Variants in AEN observed in about 807,000 individuals in gnomAD.
AEN encodes apoptosis-enhancing nuclease.
AEN carries 21 observed loss-of-function variants against 17.7 expected under a neutral mutation model. The ratio of observed to expected loss-of-function variants is 1.19; its 90% confidence interval spans 0.84 to 1.71. The LOEUF (loss-of-function observed/expected upper bound fraction) is 1.71, where lower values mean the gene tolerates loss of function less well. Among genes scored for constraint, AEN ranks in the 40% most tolerant of loss-of-function variants. The probability of loss-of-function intolerance (pLI) is 0.00; values close to 1 mark genes in which losing one functional copy is unlikely to be tolerated. For missense variants in AEN, 462 were observed against 435.9 expected (o/e 1.06, Z -0.53); for synonymous variants, 190 against 173.0 (o/e 1.10, Z -0.77).
At chr15:88,617,856 A>G (rs1384371392), upstream of AEN, among the ~76,000 whole-genome samples, 1 of 152,196 alleles carries the variant, frequency 6.6e-6, no homozygotes, top group African/African-American at 2.4e-5. Flanking sequence ...ATGCTCATTA[A>G]TGAAACTTTG....
chr15:88,617,677 G>A (rs867203177), upstream of AEN, among the ~76,000 whole-genome samples: 4 of 151,382 alleles, frequency 2.6e-5, no homozygotes, highest in Non-Finnish European at 4.4e-5. Flanking sequence ...CCCGTCTCTC[G>A]GGTTCTGGAA....
chr15:88,618,029 A>G (rs8027485), upstream of AEN, among the ~76,000 whole-genome samples: 121,961 of 151,984 alleles, frequency 0.8, 51,039 homozygotes, highest in Non-Finnish European at 0.92. Flanking sequence ...CATCCCACTT[A>G]CCTACACCAG....
the AEN span, chr15:88,608,149 T>C: frequency 1.9e-6 from 1 of 532,206 alleles, no homozygotes; most frequent in Admixed American, 1.9e-5. Context: ...TGGTGTGTAT[T>C]GCCTTGTCAA....
Position 88,630,303 on chromosome 15 carries a change from CG to C in AEN, c.*13del. On this transcript the variant is annotated 3_prime_UTR_variant, in exon 4 of 4. Transcript: ENST00000332810. The surrounding 1 kb of genome is among the most constrained non-coding windows in gnomAD (Gnocchi z 5.1). ...AGGACAGAAGGAATTGAGAAGGGGG[CG>C]GGGCTCCCTGGCTGGGCTTCCGGTG... The C allele has an allele frequency of 6.4e-7, 1 of 1,566,628 alleles. No homozygotes were observed.
intron 1 of AEN, among the ~76,000 whole-genome samples, chr15:88,622,934 CTT>C (rs1263106003): frequency 6.6e-6 from 1 of 152,200 alleles, no homozygotes; most frequent in African/African-American, 2.4e-5. Context: ...ACTTTCCTCT[CTT>C]GAAATAGGAG....
At chr15:88,623,876 A>C (rs2057818028) in intron 1 of AEN, among the ~76,000 whole-genome samples, 1 of 152,348 alleles carries the variant, frequency 6.6e-6, no homozygotes, top group East Asian at 1.9e-4. Context: ...TGCCTCCAGC[A>C]TGACCCGCCT....
the AEN span, among the ~76,000 whole-genome samples, chr15:88,612,501 C>T: frequency 2.0e-5 from 3 of 152,172 alleles, no homozygotes; most frequent in Admixed American, 6.5e-5. Flanking sequence ...AAGCCCAGTG[C>T]TTGGGGACCA....
At chr15:88,610,075 T>G in the AEN span, among the ~76,000 whole-genome samples, 14 of 152,152 alleles carry the variant, frequency 9.2e-5, no homozygotes, top group Non-Finnish European at 2.1e-4. Context: ...CTCTCCAAAC[T>G]CTCTTTGTGG....
rs1432509441 is a variant in AEN, at chr15:88,629,332, A to T, written c.647A>T (p.Tyr216Phe). ...CGGAGCCAGACCCGGGATACGACCT[A>T]TGTCCCAAACTTCCTCAGCGAGCCC... ...HPRSQTRDTT[Y>F]VPNFLSEPGL... Residue 216 changes from tyrosine (Y) to phenylalanine (F), a missense_variant, in exon 3 of 4, where the codon TAT becomes TTT. Coordinates refer to ENST00000332810, the MANE Select transcript of AEN (RefSeq NM_022767.4). 2 of 1,614,078 alleles carry T rather than the reference A, an allele frequency of 1.2e-6. No homozygotes were observed. The highest frequency in any genetic ancestry group is 4.5e-5 in the East Asian group (2 of 44,866).
chr15:88,629,464 C>T (rs535574219), intron 3 of AEN, 38 bp downstream of exon 3: 20 of 1,598,176 alleles, frequency 1.3e-5, no homozygotes, highest in Admixed American at 5.1e-5. Context: ...GAGGGAGGCC[C>T]GCCTGGCCTC....
At chr15:88,629,741 A>G (rs544267295) in intron 3 of AEN, among the ~76,000 whole-genome samples, 1 of 152,256 alleles carries the variant, frequency 6.6e-6, no homozygotes, top group East Asian at 1.9e-4. Context: ...ATCCCCTACT[A>G]GCAGACATAG....
At chr15:88,620,328 A>T (rs890656295), upstream of AEN, among the ~76,000 whole-genome samples, 2 of 152,134 alleles carry the variant, frequency 1.3e-5, no homozygotes, top group African/African-American at 4.8e-5. Flanking sequence ...TGCCTGGCAC[A>T]TCATTCGTGC....
Position 88,630,467 on chromosome 15 carries a change from G to T in AEN, c.*173G>T. The T allele has an allele frequency of 1.6e-6, 1 of 624,220 alleles. No homozygotes were observed. Among genetic ancestry groups the T allele is most frequent in the Non-Finnish European group, 2.8e-6 (1 of 353,040 alleles). 38.7% of individuals were successfully genotyped at this position (624,220 alleles called of 1,614,324 possible). On this transcript the variant is annotated 3_prime_UTR_variant, in exon 4 of 4. Transcript: ENST00000332810. This position sits in a 1 kb window ranked among gnomAD's most constrained non-coding sequence, Gnocchi z 5.1. ...CTTGACACCCTCTGCACACAGCATA[G>T]CCCTCTCTCTCTCCAGGGCTGTTGG...
the AEN span, among the ~76,000 whole-genome samples, chr15:88,612,373 C>G: frequency 1.3e-5 from 2 of 151,932 alleles, no homozygotes; most frequent in African/African-American, 2.4e-5. Flanking sequence ...CACACCTGAC[C>G]TCGGAGCTTG....
upstream of AEN, among the ~76,000 whole-genome samples, chr15:88,617,204 C>T (rs1567099477): frequency 6.6e-6 from 1 of 152,194 alleles, no homozygotes; most frequent in Non-Finnish European, 1.5e-5. Context: ...GATCCTCCCA[C>T]CTCAGCCTCC....
chr15:88,610,307 A>ATT, the AEN span, among the ~76,000 whole-genome samples: 19,972 of 136,036 alleles, frequency 0.15, 2,209 homozygotes, highest in East Asian at 0.51. Context: ...GCACGGGGCT[A>ATT]TTTTTTTTTT....
upstream of AEN, among the ~76,000 whole-genome samples, chr15:88,617,929 T>G (rs1828564916): frequency 6.6e-6 from 1 of 152,208 alleles, no homozygotes; most frequent in African/African-American, 2.4e-5. Flanking sequence ...TAAACCAGCA[T>G]GAAATCCCTC....
upstream of AEN, among the ~76,000 whole-genome samples, chr15:88,617,319 T>A (rs1229531458): frequency 6.6e-6 from 1 of 152,182 alleles, no homozygotes; most frequent in Admixed American, 6.5e-5. Flanking sequence ...AGTGGTGCAA[T>A]CTTGGCTCGC....
At chr15:88,611,358 G>T in the AEN span, among the ~76,000 whole-genome samples, 1 of 151,158 alleles carries the variant, frequency 6.6e-6, no homozygotes, top group Non-Finnish European at 1.5e-5. Flanking sequence ...CACTTTGAGA[G>T]GCTGAGGCAG....
Sources: allele counts gnomAD v4.1 joint callset (sites outside exome capture counted in the v4.1 genomes callset), GRCh38; gene constraint gnomAD v4.1.1; non-coding constraint Gnocchi (gnomAD v3.1); transcripts MANE v1.5; gene names NCBI Gene and HGNC (gene_info 2026-07-23, HGNC 2026-07-21).